DLC1: variants seen among roughly 807,000 people sequenced by gnomAD.
DLC1 encodes rho GTPase-activating protein 7.
In DLC1, 54 loss-of-function variants were observed where a neutral mutation model predicts 140.3. That is an observed-to-expected ratio of 0.38 (90% confidence interval 0.31 to 0.48). The LOEUF is 0.48. Among genes scored for constraint, DLC1 ranks in the 20% least tolerant of loss-of-function variants. The probability of loss-of-function intolerance (pLI) is 0.96; values close to 1 mark genes in which losing one functional copy is unlikely to be tolerated. For missense variants in DLC1, 2,536 were observed against 1,907.0 expected (o/e 1.33, Z -6.14); for synonymous variants, 986 against 728.1 (o/e 1.35, Z -5.70).
intron 4 of DLC1, among the ~76,000 whole-genome samples, chr8:13,307,965 A>G (rs1387471477): frequency 6.6e-6 from 1 of 152,162 alleles, no homozygotes; most frequent in East Asian, 1.9e-4. Context: ...AAATACCTCT[A>G]TAGGAATATT....
At chr8:13,216,481 T>C (rs1415043804) in intron 5 of DLC1, among the ~76,000 whole-genome samples, 1 of 152,116 alleles carries the variant, frequency 6.6e-6, no homozygotes, top group Non-Finnish European at 1.5e-5. Flanking sequence ...GTTCCACTCC[T>C]TGCCACACTC....
chr8:13,596,390 G>A (rs1041474211), intron 1 of DLC1, among the ~76,000 whole-genome samples: 1 of 151,938 alleles, frequency 6.6e-6, no homozygotes, highest in Non-Finnish European at 1.5e-5. Flanking sequence ...ACAGACTTCA[G>A]CCTCAAGTGT....
At position 13,354,576 on chromosome 8, in the gene DLC1, A is replaced by G. The variant is rs193206221; in HGVS notation, c.1314+38977T>C. ...TAAAATGCATTCACGCATCAAGCTC[A>G]TTAGCACATTTCACTTTTCGGAATG... On this transcript the variant is annotated intron_variant, in intron 4 of 17. Transcript: ENST00000276297. Among the ~76,000 whole-genome samples, 17 of 152,306 alleles carry G rather than the reference A, an allele frequency of 1.1e-4. No individual in the cohort carries two copies. In the East Asian group the frequency reaches 3.3e-3, roughly 29 times the overall value.
intron 5 of DLC1, among the ~76,000 whole-genome samples, chr8:13,261,952 G>C (rs1040743099): frequency 1.3e-5 from 2 of 152,200 alleles, no homozygotes; most frequent in Non-Finnish European, 2.9e-5. Context: ...CATTGAATGT[G>C]TCTAATAGGT....
intron 5 of DLC1, among the ~76,000 whole-genome samples, chr8:13,298,909 G>A (rs995894392): frequency 1.3e-5 from 2 of 152,160 alleles, no homozygotes; most frequent in African/African-American, 4.8e-5. Flanking sequence ...TAATGATAAT[G>A]CTTTGTTTTG....
At position 13,100,509 on chromosome 8, in the gene DLC1, T is replaced by C; in HGVS notation, c.1828A>G (p.Ser610Gly). The C allele has an allele frequency of 1.9e-6, 3 of 1,612,200 alleles. No individual in the cohort carries two copies. The highest frequency in any genetic ancestry group is 2.5e-6 in the Non-Finnish European group (3 of 1,179,754). The change falls in exon 9 of 18, where the codon AGC becomes GGC. Residue 610 changes from serine (S) to glycine (G), a missense_variant. Physicochemically the swap from Ser to Gly is moderately conservative, Grantham distance 56. Coordinates refer to ENST00000276297, the MANE Select transcript of DLC1 (RefSeq NM_182643.3). ...GTCCGGGGGGTGGCAGCATCCTCGC[T>C]GGGGGGCGCGTGGCTGGGGAGGCTG... is the stretch of plus-strand genomic sequence containing the variant. ...TGSLPSHAPP[S>G]EDAATPRTNS...
At chr8:13,422,518 T>C (rs1433490124) in intron 2 of DLC1, among the ~76,000 whole-genome samples, 1 of 152,014 alleles carries the variant, frequency 6.6e-6, no homozygotes, top group African/African-American at 2.4e-5. Context: ...GGTTAAAACA[T>C]ATCCTAGAAA....
chr8:13,365,473 C>G (rs916602681), intron 4 of DLC1, among the ~76,000 whole-genome samples: 2 of 152,084 alleles, frequency 1.3e-5, no homozygotes, highest in Non-Finnish European at 2.9e-5. Context: ...TGCCTTTATC[C>G]TACTCTAGAT....
chr8:13,567,577 T>C (rs1464322077), intron 1 of DLC1: 13 of 1,551,720 alleles, frequency 8.4e-6, no homozygotes, highest in Middle Eastern at 1.7e-4. Context: ...GCAACACATA[T>C]CTTATCAGTG....
intron 4 of DLC1, among the ~76,000 whole-genome samples, chr8:13,318,352 A>T (rs1731523929): frequency 6.6e-6 from 1 of 152,150 alleles, no homozygotes; most frequent in South Asian, 2.1e-4. Context: ...TAATCTTAAT[A>T]ACTACCAAAG....
chr8:13,465,219 C>G (rs138545947), intron 2 of DLC1, among the ~76,000 whole-genome samples: 62 of 152,274 alleles, frequency 4.1e-4, no homozygotes, highest in African/African-American at 1.2e-3. Context: ...TTCTTGTCCA[C>G]CTTTCCTGGA....
chr8:13,352,212 G>A (rs1729134), intron 4 of DLC1, among the ~76,000 whole-genome samples: 124,502 of 152,232 alleles, frequency 0.82, 51,171 homozygotes, highest in East Asian at 0.97. Flanking sequence ...CGCTTGTTCC[G>A]AACACACGCA....
chr8:13,501,896 G>A (rs1213195710), intron 1 of DLC1, among the ~76,000 whole-genome samples: 1 of 152,122 alleles, frequency 6.6e-6, no homozygotes, highest in East Asian at 1.9e-4. Flanking sequence ...GAAAATTTCT[G>A]CTTTCATGGG....
chr8:13,190,835 C>T (rs746124387), intron 5 of DLC1, among the ~76,000 whole-genome samples: 4 of 152,064 alleles, frequency 2.6e-5, no homozygotes, highest in Non-Finnish European at 5.9e-5. Flanking sequence ...AAGATGAAGT[C>T]GCCAAGTGTG....
intron 4 of DLC1, among the ~76,000 whole-genome samples, chr8:13,333,701 A>C (rs180924771): frequency 2.0e-5 from 3 of 152,352 alleles, no homozygotes; most frequent in Admixed American, 2.0e-4. Context: ...TGTGTACAAC[A>C]AAATTTATAG....
intron 5 of DLC1, among the ~76,000 whole-genome samples, chr8:13,220,343 C>T (rs1028041340): frequency 6.6e-5 from 10 of 151,910 alleles, no homozygotes; most frequent in East Asian, 1.9e-4. Flanking sequence ...AGGTGCCCCA[C>T]GTAAAGGTAA....
intron 2 of DLC1, among the ~76,000 whole-genome samples, chr8:13,417,386 A>G (rs1158638332): frequency 7.0e-6 from 1 of 142,964 alleles, no homozygotes; most frequent in East Asian, 2.1e-4. Flanking sequence ...CAGTCCCCAG[A>G]GTGTGATGTT....
chr8:13,414,462 A>C (rs1179939408), intron 2 of DLC1, among the ~76,000 whole-genome samples: 1 of 152,146 alleles, frequency 6.6e-6, no homozygotes, highest in Non-Finnish European at 1.5e-5. Flanking sequence ...TTAATGTGTG[A>C]TCTGTTCTTC....
At chr8:13,320,600 G>A (rs957549445) in intron 4 of DLC1, among the ~76,000 whole-genome samples, 1 of 152,154 alleles carries the variant, frequency 6.6e-6, no homozygotes, top group Non-Finnish European at 1.5e-5. Context: ...CGATGTTGGA[G>A]GTGGGGTCTC....
Sources: gnomAD v4.1 joint callset for allele counts (sites outside exome capture counted in the v4.1 genomes callset) on GRCh38, gnomAD v4.1.1 for gene constraint, MANE v1.5 for transcripts, NCBI Gene and HGNC (gene_info 2026-07-23, HGNC 2026-07-21) for gene names.